The following DEPDC1B variants were observed in gnomAD, a reference collection of about 807,000 sequenced individuals.
The protein encoded by DEPDC1B is DEP domain containing 1B.
Under a neutral mutation model 66.5 loss-of-function variants are expected in DEPDC1B, and 51 were observed. The observed-to-expected ratio is 0.77, with a 90% CI of 0.61 to 0.97. The LOEUF (loss-of-function observed/expected upper bound fraction) is 0.97, where lower values mean the gene tolerates loss of function less well. Among genes scored for constraint, DEPDC1B ranks in the 50% least tolerant of loss-of-function variants. The probability of loss-of-function intolerance (pLI) is 0.00; values close to 1 mark genes in which losing one functional copy is unlikely to be tolerated. For synonymous variants in DEPDC1B, 226 were observed against 223.6 expected, an observed-to-expected ratio of 1.01 and a Z score of -0.10; for missense variants, 552 against 637.1, an observed-to-expected ratio of 0.87 and a Z score of 1.44.
intron 7 of DEPDC1B, among the ~76,000 whole-genome samples, chr5:60,636,199 G>A (rs1356824155): frequency 6.6e-6 from 1 of 152,042 alleles, no homozygotes; most frequent in Admixed American, 6.6e-5. Flanking sequence ...CAACTACAAT[G>A]GAGTCATACT....
intron 7 of DEPDC1B, among the ~76,000 whole-genome samples, chr5:60,617,054 G>A (rs1752574095): frequency 6.6e-6 from 1 of 152,118 alleles, no homozygotes; most frequent in Non-Finnish European, 1.5e-5. Context: ...ATAAGTGAAG[G>A]AGAAATAAAA....
intron 3 of DEPDC1B, among the ~76,000 whole-genome samples, chr5:60,646,822 C>G (rs891224121): frequency 2.6e-5 from 4 of 152,144 alleles, no homozygotes; most frequent in Admixed American, 2.6e-4. Context: ...GCATTAGATT[C>G]TCATAGGAGC....
At chr5:60,676,954 A>C (rs868273644) in intron 2 of DEPDC1B, among the ~76,000 whole-genome samples, 10 of 152,342 alleles carry the variant, frequency 6.6e-5, no homozygotes, top group African/African-American at 2.4e-4. Flanking sequence ...TTCATAATGT[A>C]TTAAGACACT....
intron 2 of DEPDC1B, among the ~76,000 whole-genome samples, chr5:60,663,766 C>T (rs930306135): frequency 6.6e-6 from 1 of 152,202 alleles, no homozygotes; most frequent in Non-Finnish European, 1.5e-5. Flanking sequence ...AAACCTTGTG[C>T]CATCAAGCCA....
At chr5:60,619,088 GC>G (rs1205329408) in intron 7 of DEPDC1B, among the ~76,000 whole-genome samples, 4 of 152,086 alleles carry the variant, frequency 2.6e-5, no homozygotes, top group African/African-American at 9.7e-5. Flanking sequence ...AATTTCAACA[GC>G]CCTTCATGCT....
At position 60,700,135 on chromosome 5, in the gene DEPDC1B, C is replaced by T. The variant is rs188483873; in HGVS notation, c.-42G>A. 3 of 1,528,498 alleles carry T rather than the reference C, an allele frequency of 2.0e-6. No individual in the cohort carries two copies. The highest frequency in any genetic ancestry group is 2.6e-6 in the Non-Finnish European group (3 of 1,141,548). 94.7% of individuals were successfully genotyped at this position (1,528,498 alleles called of 1,614,324 possible). On this transcript the variant is annotated 5_prime_UTR_variant, in exon 1 of 11. Coordinates refer to ENST00000265036, the MANE Select transcript of DEPDC1B (RefSeq NM_018369.3). ...CGGCCGCAGCCGCGCCAGCGCTGAT[C>T]CCCGCCAGCCGGAGGAGCAGCAGTT...
rs1447875369 is a variant in DEPDC1B, at chr5:60,625,878, T to C, written c.898+12872A>G. Among the ~76,000 whole-genome samples the C allele has an allele frequency of 4.6e-5, 7 of 152,218 alleles. No individual in the cohort carries two copies. In the East Asian group the frequency reaches 1.3e-3, roughly 29 times the overall value. On this transcript the variant is annotated intron_variant, in intron 7 of 10. Transcript: ENST00000265036. ...TTCTATTGTGTGTATTCAAGCTCAC[T>C]GATCTTTAACTTCTGGAGTGTCTAA... is the stretch of plus-strand genomic sequence containing the variant.
chr5:60,628,244 G>A (rs956680208), intron 7 of DEPDC1B: 1 of 152,120 alleles, frequency 6.6e-6, no homozygotes, highest in Admixed American at 6.5e-5. Context: ...ATATCTAATA[G>A]TTACATCAGA....
At chr5:60,673,412 G>A (rs181062671) in intron 2 of DEPDC1B, among the ~76,000 whole-genome samples, 1 of 152,106 alleles carries the variant, frequency 6.6e-6, no homozygotes, top group Non-Finnish European at 1.5e-5. Context: ...GAGGAGGAGC[G>A]GGGGGCACTG....
chr5:60,622,203 A>G (rs1198234506), intron 7 of DEPDC1B, among the ~76,000 whole-genome samples: 3 of 152,064 alleles, frequency 2.0e-5, no homozygotes, highest in Non-Finnish European at 2.9e-5. Context: ...CCGCCCCCCC[A>G]AAGAATCTAC....
intron 4 of DEPDC1B, 97 bp from the exon 5 acceptor site, chr5:60,644,972 T>G (rs1314722226): frequency 6.6e-6 from 6 of 905,430 alleles, no homozygotes; most frequent in Non-Finnish European, 9.4e-6. Flanking sequence ...TAATGCTTTA[T>G]TTTCATGCAT....
At chr5:60,663,229 C>T (rs548117696) in intron 2 of DEPDC1B, among the ~76,000 whole-genome samples, 3 of 152,248 alleles carry the variant, frequency 2.0e-5, no homozygotes, top group Admixed American at 1.3e-4. Context: ...TCAAGTTAAA[C>T]TAAAGGGTTC....
At chr5:60,600,409 A>G (rs1324981179) in intron 9 of DEPDC1B, among the ~76,000 whole-genome samples, 1 of 152,170 alleles carries the variant, frequency 6.6e-6, no homozygotes, top group Non-Finnish European at 1.5e-5. Flanking sequence ...TGTCAAAAAC[A>G]TTGCCTACCT....
chr5:60,616,627 T>C (rs898727672), intron 7 of DEPDC1B, among the ~76,000 whole-genome samples: 2 of 152,108 alleles, frequency 1.3e-5, no homozygotes, highest in South Asian at 2.1e-4. Context: ...CCAAGAAATA[T>C]GGGACTATGT....
chr5:60,599,331 C>A lies in DEPDC1B; in HGVS notation c.1243-71G>T. 2.4e-6 allele frequency: 3 copies of A among 1,235,074 alleles called. No individual in the cohort carries two copies. In the South Asian group the frequency reaches 5.7e-5, roughly 23 times the overall value. 76.5% of individuals were successfully genotyped at this position (1,235,074 alleles called of 1,614,324 possible). On this transcript the variant is annotated intron_variant, in intron 9 of 10. Coordinates refer to ENST00000265036, the MANE Select transcript of DEPDC1B (RefSeq NM_018369.3). ...ATAAATTATAAGAATTAGTTTAGAT[C>A]AAATACAGGATATCTCCTTGTACCG...
At chr5:60,656,383 C>T (rs928215645) in intron 2 of DEPDC1B, among the ~76,000 whole-genome samples, 1 of 152,008 alleles carries the variant, frequency 6.6e-6, no homozygotes, top group African/African-American at 2.4e-5. Context: ...CTCCTGACCT[C>T]GTGATCTACC....
chr5:60,648,534 T>A (rs1753372961), intron 2 of DEPDC1B, among the ~76,000 whole-genome samples: 1 of 152,220 alleles, frequency 6.6e-6, no homozygotes, highest in African/African-American at 2.4e-5. Flanking sequence ...CAGGAATATG[T>A]CCCAAGTATG....
intron 3 of DEPDC1B, among the ~76,000 whole-genome samples, chr5:60,646,897 T>C (rs1753331315): frequency 6.6e-6 from 1 of 152,154 alleles, no homozygotes; most frequent in Non-Finnish European, 1.5e-5. Context: ...GAGAATCTAA[T>C]GCCTGATGAT....
chr5:60,635,295 G>C (rs2111839006), intron 7 of DEPDC1B, among the ~76,000 whole-genome samples: 1 of 152,286 alleles, frequency 6.6e-6, no homozygotes, highest in South Asian at 2.1e-4. Flanking sequence ...AGGTAATAAG[G>C]CAAAGATTTC....
Sources: gnomAD v4.1 joint callset for allele counts (sites outside exome capture counted in the v4.1 genomes callset) on GRCh38, gnomAD v4.1.1 for gene constraint, MANE v1.5 for transcripts, NCBI Gene and HGNC (gene_info 2026-07-23, HGNC 2026-07-21) for gene names.